Variants in PIKFYVE observed in about 807,000 individuals in gnomAD.
The protein encoded by PIKFYVE is phosphoinositide kinase, FYVE-type zinc finger containing.
A neutral mutation model predicts 257.9 loss-of-function variants in PIKFYVE; 122 were observed. That is an observed-to-expected ratio of 0.47 (90% CI 0.41 to 0.55). The LOEUF is 0.55. Among genes scored for constraint, PIKFYVE ranks in the 20% least tolerant of loss-of-function variants. PIKFYVE has a pLI of 0.00. For synonymous variants in PIKFYVE, 892 were observed against 868.9 expected, an observed-to-expected ratio of 1.03 and a Z score of -0.47; for missense variants, 2,160 against 2,536.6, an observed-to-expected ratio of 0.85 and a Z score of 3.19.
At chr2:208,355,091 C>T (rs1700081269) in intron 41 of PIKFYVE, 99 bp from the exon 42 acceptor site, 2 of 926,278 alleles carry the variant, frequency 2.2e-6, no homozygotes, top group South Asian at 2.8e-5. Context: ...GCATGTGTAT[C>T]TTTATGGCAG....
In PIKFYVE at chr2:208,320,352, T is replaced by C; in HGVS notation, c.2183T>C (p.Val728Ala). 6.2e-7 allele frequency: 1 copy of C among 1,612,070 alleles called. No individual in the cohort carries two copies. Among genetic ancestry groups the C allele is most frequent in the Non-Finnish European group, 8.5e-7 (1 of 1,178,588 alleles). The change falls in exon 17 of 42, where the codon GTG becomes GCG. Residue 728 changes from valine (V) to alanine (A), a missense_variant. Around this residue, in one of 12 missense-constraint regions of PIKFYVE, gnomAD observed 346 missense variants for 365.6 expected, o/e 0.95. Transcript: ENST00000264380. ...ETKFTCIDPI[V>A]LQEREFLKNY... ...AAGTTTACTTGCATTGATCCTATTGTGCTTCAGGTAAGAATTTACTACTGA... is the reference window on the plus strand; with the variant it reads ...AAGTTTACTTGCATTGATCCTATTGCGCTTCAGGTAAGAATTTACTACTGA...
Position 208,327,156 on chromosome 2 carries a change from G to C in PIKFYVE, c.3618+727G>C, listed in dbSNP as rs561164687. 1.4e-4 allele frequency among the ~76,000 whole-genome samples: 22 copies of C among 152,158 alleles called. No homozygotes were observed. In the East Asian group the frequency reaches 4.2e-3, roughly 29 times the overall value. On this transcript the variant is annotated intron_variant, in intron 20 of 41. Transcript: ENST00000264380. The stretch of plus-strand genomic sequence containing the variant: ...TAAATAATTTTTTATTTGTCAGATT[G>C]ACAAAAAGGAAAGTCGTAAAAGACC...
chr2:208,301,442 T>G (rs1020593780), intron 9 of PIKFYVE, among the ~76,000 whole-genome samples: 1 of 152,220 alleles, frequency 6.6e-6, no homozygotes, highest in Non-Finnish European at 1.5e-5. Context: ...TGTTGAGTAT[T>G]TGATCCATAA....
rs768438414 is a variant in PIKFYVE, at chr2:208,328,206, C to T, written c.3645C>T (p.His1215=). The T allele has an allele frequency of 1.9e-6, 3 of 1,613,690 alleles. No homozygotes were observed. Among genetic ancestry groups the T allele is most frequent in the South Asian group, 2.2e-5 (2 of 91,084 alleles). Reference sequence around the variant, plus strand: ...TGGACTGTCTGAATCCCATTAATCACCAGAGACTTTGTGTGCTCTTCAGCA... The same window carrying T: ...TGGACTGTCTGAATCCCATTAATCATCAGAGACTTTGTGTGCTCTTCAGCA... ...TKVDCLNPIN[H]QRLCVLFSSS... is the part of the protein sequence containing the mutation. The change falls in exon 21 of 42, where the codon CAC becomes CAT. Residue 1215 remains histidine, a synonymous_variant. Transcript: ENST00000264380.
At position 208,333,363 on chromosome 2, in the gene PIKFYVE, G is replaced by A. The variant is rs546683991; in HGVS notation, c.4012G>A (p.Ala1338Thr). ...CAATGAGTCCTGGTCTATGTCATTT[G>A]CAAAATACCTTGAACTTAGGTTTTA... Reference protein sequence around the residue: ...LSNESWSMSFAKYLELRFYGH... With the variant: ...LSNESWSMSFTKYLELRFYGH... Residue 1338 changes from alanine (A) to threonine (T), a missense_variant, in exon 24 of 42, where the codon GCA becomes ACA. Coordinates refer to ENST00000264380, the MANE Select transcript of PIKFYVE (RefSeq NM_015040.4). 3 of 1,614,068 alleles carry A rather than the reference G, an allele frequency of 1.9e-6. No homozygotes were observed. Among genetic ancestry groups the A allele is most frequent in the African/African-American group, 2.7e-5 (2 of 75,008 alleles).
chr2:208,303,238 T>TAC (rs567935199), intron 10 of PIKFYVE, among the ~76,000 whole-genome samples: 431 of 150,310 alleles, frequency 2.9e-3, no homozygotes, highest in Non-Finnish European at 4.0e-3. Flanking sequence ...GTTATATATA[T>TAC]ACACACACAC....
At chr2:208,314,556 T>C in intron 14 of PIKFYVE, 133 bp downstream of exon 14, 3 of 1,081,688 alleles carry the variant, frequency 2.8e-6, no homozygotes, top group Non-Finnish European at 1.3e-6. Context: ...ATACTAAGGT[T>C]ACTTAGGAAA....
chr2:208,340,265 G>C, intron 31 of PIKFYVE, 134 bp downstream of exon 31: 5 of 1,163,152 alleles, frequency 4.3e-6, no homozygotes, highest in Non-Finnish European at 6.2e-6. Flanking sequence ...TAAAAGAGAT[G>C]TCTTTTGATA....
chr2:208,276,236 G>T (rs576351566), intron 3 of PIKFYVE, among the ~76,000 whole-genome samples: 31 of 152,298 alleles, frequency 2.0e-4, no homozygotes, highest in Middle Eastern at 3.4e-3. Context: ...TTCTGTATGA[G>T]ACTTTGGATA....
chr2:208,306,848 G>A (rs1407124909), intron 12 of PIKFYVE, among the ~76,000 whole-genome samples: 1 of 150,960 alleles, frequency 6.6e-6, no homozygotes, highest in Non-Finnish European at 1.5e-5. Context: ...CGCGATCTTG[G>A]CTCACTGCAA....
At position 208,285,711 on chromosome 2, in the gene PIKFYVE, G is replaced by A; in HGVS notation, c.614-15G>A. On this transcript the variant is annotated splice_polypyrimidine_tract_variant and intron_variant, in intron 5 of 41. Coordinates refer to ENST00000264380, the MANE Select transcript of PIKFYVE (RefSeq NM_015040.4). ...CTTCAATTTCCTTGTTTTTGTTTTTGTTTTTTTCTCCTAGGAGACCTCCGA... is the reference window on the plus strand; with the variant it reads ...CTTCAATTTCCTTGTTTTTGTTTTTATTTTTTTCTCCTAGGAGACCTCCGA... 6.2e-7 allele frequency: 1 copy of A among 1,606,666 alleles called. No individual in the cohort carries two copies.
intron 4 of PIKFYVE, among the ~76,000 whole-genome samples, chr2:208,277,260 CTT>C (rs1690231837): frequency 6.6e-6 from 1 of 152,138 alleles, no homozygotes; most frequent in South Asian, 2.1e-4. Flanking sequence ...TCAGGGCTCT[CTT>C]TTTCTGTTCC....
At chr2:208,353,836 T>A in intron 39 of PIKFYVE, 62 bp from the exon 40 acceptor site, 2 of 1,585,548 alleles carry the variant, frequency 1.3e-6, no homozygotes, top group Non-Finnish European at 1.7e-6. Flanking sequence ...TTTATTTACT[T>A]ACATTAACTA....
At chr2:208,295,177 A>T (rs989664819) in intron 7 of PIKFYVE, among the ~76,000 whole-genome samples, 1 of 152,188 alleles carries the variant, frequency 6.6e-6, no homozygotes, top group African/African-American at 2.4e-5. Context: ...TCTCTGATGG[A>T]CCTAAGAACA....
At chr2:208,333,093 G>T (rs934365419) in intron 23 of PIKFYVE, among the ~76,000 whole-genome samples, 4 of 151,928 alleles carry the variant, frequency 2.6e-5, no homozygotes, top group African/African-American at 9.7e-5. Context: ...AATTAGCCGG[G>T]CGTGGTGGCG....
At chr2:208,274,997 G>T (rs750400141) in intron 3 of PIKFYVE, among the ~76,000 whole-genome samples, 27 of 152,254 alleles carry the variant, frequency 1.8e-4, no homozygotes, top group Admixed American at 1.2e-3. Flanking sequence ...ATATCTCCAG[G>T]TGGAGCCTTT....
Position 208,304,203 on chromosome 2 carries a change from C to G in PIKFYVE, c.1353C>G (p.Asp451Glu). The G allele has an allele frequency of 6.2e-7, 1 of 1,614,130 alleles. No individual in the cohort carries two copies. The highest frequency in any genetic ancestry group is 8.5e-7 in the Non-Finnish European group (1 of 1,179,992). Residue 451 changes from aspartate to glutamate, a missense_variant, in exon 11 of 42, where the codon GAC becomes GAG. Around this residue, in one of 12 missense-constraint regions of PIKFYVE, gnomAD observed 90 missense variants for 110.6 expected, o/e 0.81. Transcript: ENST00000264380. ...AATTTTCTGAGACGCCTTCTCCCGA[C>G]AGTGACTCAGTGAACTCCGTGGAAG... is the stretch of plus-strand genomic sequence containing the variant. ...STEFSETPSP[D>E]SDSVNSVEGH... is the part of the protein sequence containing the mutation.
rs1698128713 is a variant in PIKFYVE, at chr2:208,336,217, T to C, written c.4520+17T>C. ...GAATAACAGGTGTGATTTTGCAGTC[T>C]GGTTTTCTTTAATATTATTGCCACA... On this transcript the variant is annotated intron_variant, in intron 27 of 41. Coordinates refer to ENST00000264380, the MANE Select transcript of PIKFYVE (RefSeq NM_015040.4). 6.2e-7 allele frequency: 1 copy of C among 1,613,750 alleles called. No homozygotes were observed. Among genetic ancestry groups the C allele is most frequent in the African/African-American group, 1.3e-5 (1 of 74,938 alleles).
At chr2:208,315,549 A>C (rs940276119) in intron 15 of PIKFYVE, among the ~76,000 whole-genome samples, 176 bp downstream of exon 15, 1 of 152,226 alleles carries the variant, frequency 6.6e-6, no homozygotes, top group Non-Finnish European at 1.5e-5. Context: ...GAAGCCACGC[A>C]TAGGAAGTGA....
Sources: gnomAD v4.1 joint callset for allele counts (sites outside exome capture counted in the v4.1 genomes callset) on GRCh38, gnomAD v4.1.1 for gene constraint, gnomAD v4.1.1 regional missense constraint, MANE v1.5 for transcripts, NCBI Gene and HGNC (gene_info 2026-07-23, HGNC 2026-07-21) for gene names.